Variants in IL33 observed in about 807,000 individuals in gnomAD.
The protein encoded by IL33 is interleukin 33, also known as interleukin-33.
A neutral mutation model predicts 27.3 loss-of-function variants in IL33; 37 were observed. That is an observed-to-expected ratio of 1.36 (90% CI 1.04 to 1.78). The LOEUF is 1.78. IL33 is among the 40% of genes most tolerant of loss of function. The probability of loss-of-function intolerance (pLI) is 0.00; values close to 1 mark genes in which losing one functional copy is unlikely to be tolerated. For synonymous variants in IL33, 132 were observed against 102.9 expected (o/e 1.28, Z -1.71); for missense variants, 406 against 311.4 (o/e 1.30, Z -2.29).
In IL33 at chr9:6,256,442, A is replaced by AT; in HGVS notation, c.*274_*275insT. 2.2e-6 allele frequency: 1 copy of AT among 456,322 alleles called. No individual in the cohort carries two copies. The highest frequency in any genetic ancestry group is 3.8e-6 in the Non-Finnish European group (1 of 261,556). 28.3% of individuals were successfully genotyped at this position (456,322 alleles called of 1,614,324 possible). A position where few individuals can be genotyped will look rare whatever the true frequency, so the allele number is the denominator to read the frequency against. The stretch of plus-strand genomic sequence containing the variant: ...CAACATTCTAAAGAGATACAGTCTG[A>AT]CCTTTACTTTTCTCTAGTTTCAGTC... On this transcript the variant is annotated 3_prime_UTR_variant, in exon 8 of 8. Coordinates refer to ENST00000682010, the MANE Select transcript of IL33 (RefSeq NM_033439.4).
At position 6,223,818 on chromosome 9, in the gene IL33, C is replaced by T. The variant is rs138134069; in HGVS notation, c.-12+7966C>T. ...TTGCTCGCTTAATCAGAAGTTTCGT[C>T]GGGCAGTTTCAGAGTTGGTGTCAAA... On this transcript the variant is annotated intron_variant, in intron 1 of 7. Coordinates refer to ENST00000682010, the MANE Select transcript of IL33 (RefSeq NM_033439.4). Among the ~76,000 whole-genome samples the T allele has an allele frequency of 5.3e-3, 812 of 152,246 alleles. 3 individuals carry two copies. The highest frequency in any genetic ancestry group is 0.018 in the African/African-American group (758 of 41,544).
At chr9:6,245,880 G>A (rs1819808478) in intron 2 of IL33, among the ~76,000 whole-genome samples, 1 of 151,676 alleles carries the variant, frequency 6.6e-6, no homozygotes, top group Admixed American at 6.6e-5. Context: ...GGTTAACACG[G>A]TGAAACCCCG....
chr9:6,248,619 G>A (rs147444280), intron 2 of IL33, among the ~76,000 whole-genome samples: 3,090 of 152,038 alleles, frequency 0.02, 109 homozygotes, highest in African/African-American at 0.07. Flanking sequence ...CTGTCACCCA[G>A]GCTGGAGTGC....
chr9:6,238,649 T>C (rs1384532216), intron 1 of IL33, among the ~76,000 whole-genome samples: 1 of 152,196 alleles, frequency 6.6e-6, no homozygotes, highest in Admixed American at 6.5e-5. Context: ...ATTATTCATA[T>C]GAAGCTCATA....
intron 1 of IL33, among the ~76,000 whole-genome samples, chr9:6,230,947 A>G (rs73398519): frequency 0.052 from 7,964 of 152,224 alleles, 352 homozygotes; most frequent in African/African-American, 0.11. Context: ...CTTCACTTCT[A>G]AAAGGGAGAC....
chr9:6,243,417 C>A (rs1819645764), intron 2 of IL33, among the ~76,000 whole-genome samples: 1 of 152,084 alleles, frequency 6.6e-6, no homozygotes, highest in South Asian at 2.1e-4. Flanking sequence ...TGCAGTGGCA[C>A]CATCTCATCT....
chr9:6,254,567 AT>A lies in IL33; in HGVS notation c.612+17del, dbSNP rs367807947. The A allele has an allele frequency of 0.027, 32,428 of 1,190,532 alleles. 5 individuals carry two copies. Among genetic ancestry groups the A allele is most frequent in the Admixed American group, 0.062 (2,457 of 39,708 alleles). 73.7% of individuals were successfully genotyped at this position (1,190,532 alleles called of 1,614,324 possible). ...CACTCTGTGGAGGTAAAAAAAAAAA[AT>A]TTATCTATATCTATATATATGATTA... On this transcript the variant is annotated intron_variant, in intron 7 of 7. Transcript: ENST00000682010.
intron 2 of IL33, among the ~76,000 whole-genome samples, chr9:6,242,955 G>A (rs1452404003): frequency 6.6e-6 from 1 of 152,150 alleles, no homozygotes; most frequent in Non-Finnish European, 1.5e-5. Flanking sequence ...GAGAACAGAG[G>A]GAGAACAGAA....
In IL33 at chr9:6,220,918, T is replaced by G. The variant is rs915571918; in HGVS notation, c.-12+5066T>G. The stretch of plus-strand genomic sequence containing the variant: ...ACAGCCATGTGCTGCCTCACCTGGC[T>G]AATTTTTTTACATTTTGTAGAAATG... On this transcript the variant is annotated intron_variant, in intron 1 of 7. Transcript: ENST00000682010. Among the ~76,000 whole-genome samples, 5 of 152,204 alleles carry G rather than the reference T, an allele frequency of 3.3e-5. No individual in the cohort carries two copies. The East Asian group carries it at 9.7e-4, about 29-fold the overall frequency.
intron 1 of IL33, among the ~76,000 whole-genome samples, chr9:6,226,688 T>C (rs10975498): frequency 0.34 from 52,208 of 152,076 alleles, 10,496 homozygotes; most frequent in African/African-American, 0.55. Context: ...TTTTCAAATA[T>C]ACATGTTCAC....
chr9:6,235,062 T>C (rs1186534217), intron 1 of IL33, among the ~76,000 whole-genome samples: 1 of 152,208 alleles, frequency 6.6e-6, no homozygotes, highest in African/African-American at 2.4e-5. Context: ...TCATTTTTGG[T>C]GACAAGAGTC....
intron 1 of IL33, among the ~76,000 whole-genome samples, chr9:6,225,603 T>C (rs897399405): frequency 3.9e-5 from 6 of 152,244 alleles, no homozygotes; most frequent in African/African-American, 1.4e-4. Flanking sequence ...TATCAAATGT[T>C]TATTTCACAA....
intron 1 of IL33, among the ~76,000 whole-genome samples, chr9:6,235,309 C>T (rs921736138): frequency 6.6e-6 from 1 of 152,146 alleles, no homozygotes; most frequent in Non-Finnish European, 1.5e-5. Flanking sequence ...CCTCCCAATG[C>T]ACTGGGATTA....
chr9:6,240,729 C>A (rs1819479787), intron 1 of IL33, among the ~76,000 whole-genome samples: 2 of 152,210 alleles, frequency 1.3e-5, no homozygotes, highest in East Asian at 1.9e-4. Context: ...GATCACTGTA[C>A]ACTTAGACTA....
At chr9:6,251,453 T>C (rs1287615058) in intron 4 of IL33, among the ~76,000 whole-genome samples, 188 bp downstream of exon 4, 1 of 152,122 alleles carries the variant, frequency 6.6e-6, no homozygotes, top group Admixed American at 6.5e-5. Context: ...GTTCTAATAA[T>C]GTACATGCAT....
intron 2 of IL33, among the ~76,000 whole-genome samples, chr9:6,249,835 CAT>C (rs1410255668): frequency 2.0e-5 from 3 of 152,154 alleles, no homozygotes; most frequent in African/African-American, 7.2e-5. Context: ...TAAATGGAGA[CAT>C]ATGTAAAATC....
chr9:6,239,127 G>C (rs1008308786), intron 1 of IL33, among the ~76,000 whole-genome samples: 34 of 152,202 alleles, frequency 2.2e-4, no homozygotes, highest in Non-Finnish European at 8.8e-5. Flanking sequence ...CAGCCTGAGA[G>C]ATCAAGCCGC....
chr9:6,233,508 C>T (rs1819031120), intron 1 of IL33, among the ~76,000 whole-genome samples: 1 of 152,106 alleles, frequency 6.6e-6, no homozygotes, highest in South Asian at 2.1e-4. Context: ...TTTCTTTCTG[C>T]ATTGAAGCAT....
intron 1 of IL33, among the ~76,000 whole-genome samples, chr9:6,241,346 G>A (rs1240017936): frequency 6.6e-6 from 1 of 152,168 alleles, no homozygotes; most frequent in Non-Finnish European, 1.5e-5. Flanking sequence ...GCAGTGGGTT[G>A]TTTACACCAC....
Sources: allele counts gnomAD v4.1 joint callset (sites outside exome capture counted in the v4.1 genomes callset), GRCh38; gene constraint gnomAD v4.1.1; transcripts MANE v1.5; gene names NCBI Gene and HGNC (gene_info 2026-07-23, HGNC 2026-07-21).